The following NECAB2 variants were observed in gnomAD, a reference collection of about 807,000 sequenced individuals.
NECAB2 encodes N-terminal EF-hand calcium binding protein 2, also known as N-terminal EF-hand calcium-binding protein 2.
Under a neutral mutation model 51.9 loss-of-function variants are expected in NECAB2, and 68 were observed. The ratio of observed to expected loss-of-function variants is 1.31; its 90% CI spans 1.08 to 1.60. The LOEUF (loss-of-function observed/expected upper bound fraction) is 1.60. NECAB2 is among the 40% of genes most tolerant of loss of function. The pLI is 0.00. For missense variants in NECAB2, 854 were observed against 490.3 expected (o/e 1.74, Z -7.00); for synonymous variants, 329 against 203.5 (o/e 1.62, Z -5.25).
At position 83,997,272 on chromosome 16, in the gene NECAB2, G is replaced by A; in HGVS notation, c.849+3G>A. 1.2e-6 allele frequency: 2 copies of A among 1,614,092 alleles called. No individual in the cohort carries two copies. The highest frequency in any genetic ancestry group is 1.7e-6 in the Non-Finnish European group (2 of 1,180,012). ...CAGATGAAGATGGCACCAACATGGTGAGGCCCCTTCCCACCTCTCTTCTGG... is the reference window on the plus strand; with the variant it reads ...CAGATGAAGATGGCACCAACATGGTAAGGCCCCTTCCCACCTCTCTTCTGG... On this transcript the variant is annotated splice_donor_region_variant and intron_variant, in intron 9 of 12. Coordinates refer to ENST00000305202, the MANE Select transcript of NECAB2 (RefSeq NM_019065.3).
chr16:83,992,013 C>G (rs913269211), intron 6 of NECAB2, among the ~76,000 whole-genome samples: 2 of 152,130 alleles, frequency 1.3e-5, no homozygotes, highest in African/African-American at 4.8e-5. Flanking sequence ...ACTGCACTCT[C>G]GGCATCACAT....
intron 2 of NECAB2, among the ~76,000 whole-genome samples, chr16:83,977,694 A>C (rs1022201753): frequency 1.3e-5 from 2 of 152,136 alleles, no homozygotes; most frequent in African/African-American, 4.8e-5. Flanking sequence ...ATGGCTTGGC[A>C]TCTAGATGGC....
chr16:84,002,029 T>A, intron 12 of NECAB2, 113 bp downstream of exon 12: 1 of 1,245,082 alleles, frequency 8.0e-7, no homozygotes, highest in Non-Finnish European at 1.1e-6. Context: ...GGGCCCACTG[T>A]CAGCTCCTGC....
intron 3 of NECAB2, among the ~76,000 whole-genome samples, chr16:83,980,324 C>G (rs1043166541): frequency 6.6e-6 from 1 of 152,178 alleles, no homozygotes; most frequent in Admixed American, 6.5e-5. Flanking sequence ...TAGGCTCATG[C>G]TCAGCCTGCT....
rs531511128 is a variant in NECAB2 at position 83,994,705 on chromosome 16, C to G, written c.795+17C>G. On this transcript the variant is annotated intron_variant, in intron 8 of 12. Coordinates refer to ENST00000305202, the MANE Select transcript of NECAB2 (RefSeq NM_019065.3). ...GAGAGCAAAGTAAGCCCTGGCCTGA[C>G]CACGGCGTCTACTCCTTCCAACCCC... 8 of 1,613,608 alleles carry G rather than the reference C, an allele frequency of 5.0e-6. No homozygotes were observed. Among genetic ancestry groups the G allele is most frequent in the Non-Finnish European group, 6.8e-6 (8 of 1,179,802 alleles).
At chr16:83,975,417 G>T (rs1042147406) in intron 2 of NECAB2, among the ~76,000 whole-genome samples, 1 of 152,080 alleles carries the variant, frequency 6.6e-6, no homozygotes, top group African/African-American at 2.4e-5. Context: ...GCACACACAG[G>T]ACTGCTCAAC....
In NECAB2 at chr16:83,981,235, A is replaced by G. The variant is rs191553782; in HGVS notation, c.459+108A>G. ...TGAAGACAGGCCGCCAGGGAGGCCTATCTCAGGGGTGGGCTTTGCCTGGGC... is the reference window on the plus strand; with the variant it reads ...TGAAGACAGGCCGCCAGGGAGGCCTGTCTCAGGGGTGGGCTTTGCCTGGGC... On this transcript the variant is annotated intron_variant, in intron 5 of 12. Coordinates refer to ENST00000305202, the MANE Select transcript of NECAB2 (RefSeq NM_019065.3). 1,338 of 970,910 alleles carry G rather than the reference A, an allele frequency of 1.4e-3. 17 individuals carry two copies. In the African/African-American group the frequency reaches 0.019, roughly 14 times the overall value. The allele number at this position is 970,910 out of a possible 1,614,324, so 60.1% of individuals were successfully genotyped here. A position where few individuals can be genotyped will look rare whatever the true frequency, so the allele number is the denominator to read the frequency against.
Position 84,000,948 on chromosome 16 carries a change from T to G in NECAB2, c.1040+147T>G, listed in dbSNP as rs1167517399. On this transcript the variant is annotated intron_variant, in intron 11 of 12. Transcript: ENST00000305202. ...GCATCTACCCGCTGGCATGCTTGCG[T>G]CAGTAAACCCTGGTGGAGGCAGGAG... The G allele has an allele frequency of 1.9e-5, 14 of 719,006 alleles. No homozygotes were observed. The African/African-American group carries it at 2.8e-4, about 15-fold the overall frequency. 44.5% of individuals were successfully genotyped at this position (719,006 alleles called of 1,614,324 possible). A position where few individuals can be genotyped will look rare whatever the true frequency, so the allele number is the denominator to read the frequency against.
At position 84,000,741 on chromosome 16, in the gene NECAB2, T is replaced by G. The variant is rs753216967; in HGVS notation, c.980T>G (p.Leu327Arg). 3 of 1,613,806 alleles carry G rather than the reference T, an allele frequency of 1.9e-6. No homozygotes were observed. Among genetic ancestry groups the G allele is most frequent in the South Asian group, 2.2e-5 (2 of 91,076 alleles). Residue 327 changes from leucine to arginine, a missense_variant, in exon 11 of 13, where the codon CTC (leucine) becomes CGC (arginine). Leu to Arg is a moderately radical substitution (Grantham distance 102, BLOSUM62 -2). Transcript: ENST00000305202. ...RNCFHITAVRLSDGFTFVIYE... is the reference protein window; with the variant it reads ...RNCFHITAVRRSDGFTFVIYE... ...TGTTGCAGCATCACTGCCGTGAGGCTCTCAGATGGCTTCACCTTTGTCATC... is the reference window on the plus strand; with the variant it reads ...TGTTGCAGCATCACTGCCGTGAGGCGCTCAGATGGCTTCACCTTTGTCATC...
Position 83,998,329 on chromosome 16 carries a change from GCCGA to G in NECAB2, c.962+13_962+16del. On this transcript the variant is annotated intron_variant, in intron 10 of 12. Coordinates refer to ENST00000305202, the MANE Select transcript of NECAB2 (RefSeq NM_019065.3). Reference sequence around the variant, plus strand: ...AGGAACTGCTTCCAGTGAGTGAGCTGCCGAGGCGTGGGTGGGATGGTGGCAGGGA... The same window carrying G: ...AGGAACTGCTTCCAGTGAGTGAGCTGGGCGTGGGTGGGATGGTGGCAGGGA... The G allele has an allele frequency of 6.2e-7, 1 of 1,611,744 alleles. No homozygotes were observed. The highest frequency in any genetic ancestry group is 2.2e-5 in the East Asian group (1 of 44,860).
upstream of NECAB2, among the ~76,000 whole-genome samples, chr16:83,966,584 C>T (rs1449228883): frequency 1.3e-5 from 2 of 152,024 alleles, no homozygotes; most frequent in Non-Finnish European, 2.9e-5. Context: ...CAGGAGGGCG[C>T]TGCAGCCCCG....
chr16:83,983,726 C>G (rs1249370089), intron 5 of NECAB2, among the ~76,000 whole-genome samples: 1 of 152,108 alleles, frequency 6.6e-6, no homozygotes, highest in Non-Finnish European at 1.5e-5. Flanking sequence ...TTGTCATGAG[C>G]CAAGAATTTT....
At chr16:83,971,361 T>G (rs1284835036) in intron 1 of NECAB2, 2 of 152,144 alleles carry the variant, frequency 1.3e-5, no homozygotes, top group African/African-American at 4.8e-5. Flanking sequence ...GAGGAGGTTT[T>G]GAAAGCTCTC....
Position 83,980,865 on chromosome 16 carries a change from G to T in NECAB2, c.361+1G>T. The T allele has an allele frequency of 6.2e-7, 1 of 1,608,330 alleles. No individual in the cohort carries two copies. Among genetic ancestry groups the T allele is most frequent in the Non-Finnish European group, 8.5e-7 (1 of 1,176,974 alleles). ...CATGTGGACACCAAGGAGCTGTGTG[G>T]TAGGTGCCTGGCTATGCTGGGACCA... On this transcript the variant is annotated splice_donor_variant, in intron 4 of 12. Transcript: ENST00000305202. LOFTEE classifies it high-confidence loss of function.
intron 5 of NECAB2, among the ~76,000 whole-genome samples, chr16:83,987,549 T>G (rs917549663): frequency 2.6e-5 from 4 of 152,200 alleles, no homozygotes; most frequent in Non-Finnish European, 5.9e-5. Flanking sequence ...TTTTTTTATG[T>G]GTATTTCTTA....
rs769880422 is a variant in NECAB2, at chr16:83,972,135, CCT to C, written c.202-11_202-10del. 8.7e-6 allele frequency: 14 copies of C among 1,613,082 alleles called. No individual in the cohort carries two copies. Among genetic ancestry groups the C allele is most frequent in the Admixed American group, 1.7e-5 (1 of 60,004 alleles). ...TCTCCCTGGCCCAGGGCTGACTCCG[CCT>C]CTCTTTTCTGCAGATTTTCCGCCGT... On this transcript the variant is annotated splice_polypyrimidine_tract_variant and intron_variant, in intron 1 of 12. Transcript: ENST00000305202.
intron 6 of NECAB2, among the ~76,000 whole-genome samples, 158 bp from the exon 7 acceptor site, chr16:83,994,144 C>A (rs1252159502): frequency 6.6e-6 from 1 of 152,206 alleles, no homozygotes; most frequent in Non-Finnish European, 1.5e-5. Flanking sequence ...GCTTTAAGAA[C>A]CTCATTTCCT....
chr16:83,973,836 G>A (rs764437739), intron 2 of NECAB2, among the ~76,000 whole-genome samples: 6 of 152,168 alleles, frequency 3.9e-5, no homozygotes, highest in Non-Finnish European at 5.9e-5. Context: ...TGTTGGGAAT[G>A]CGTGTGTCCA....
intron 10 of NECAB2, among the ~76,000 whole-genome samples, chr16:83,998,522 G>C (rs1243654831): frequency 6.6e-6 from 1 of 152,108 alleles, no homozygotes; most frequent in Admixed American, 6.5e-5. Flanking sequence ...CATCTCCCTG[G>C]CATCAGCTTA....
Sources: allele counts gnomAD v4.1 joint callset (sites outside exome capture counted in the v4.1 genomes callset), GRCh38; gene constraint gnomAD v4.1.1; transcripts MANE v1.5; gene names NCBI Gene and HGNC (gene_info 2026-07-23, HGNC 2026-07-21).